Variants in ZBED5 observed in about 807,000 individuals in gnomAD.
The protein encoded by ZBED5 is zinc finger BED domain-containing protein 5.
A neutral mutation model predicts 49.2 loss-of-function variants in ZBED5; 29 were observed. That is an observed-to-expected ratio of 0.59 (90% CI 0.44 to 0.80). The LOEUF (loss-of-function observed/expected upper bound fraction) is 0.80. Among genes scored for constraint, ZBED5 ranks in the 30% least tolerant of loss-of-function variants. ZBED5 has a pLI of 0.00. For synonymous variants in ZBED5, 281 were observed against 292.5 expected (o/e 0.96, Z 0.40); for missense variants, 775 against 812.9 (o/e 0.95, Z 0.57).
chr11:10,857,425 C>G lies in ZBED5; in HGVS notation c.-256+437G>C, dbSNP rs1226593642. The stretch of plus-strand genomic sequence containing the variant: ...AACAATACCCTCAGGGTCAGGAGGA[C>G]AGGATCTGAGTGCAGGCCAGCCAAA... On this transcript the variant is annotated intron_variant, in intron 1 of 2. Transcript: ENST00000413761. This position sits in a 1 kb window ranked among gnomAD's most constrained non-coding sequence, Gnocchi z 6.3. 2 of 152,316 alleles carry G rather than the reference C, an allele frequency of 1.3e-5. No individual in the cohort carries two copies. The highest frequency in any genetic ancestry group is 6.5e-5 in the Admixed American group (1 of 15,284). The allele number at this position is 152,316 out of a possible 1,614,324, so 9.4% of individuals were successfully genotyped here.
Position 10,853,803 on chromosome 11 carries a change from A to C in ZBED5, c.1143T>G (p.Val381=). Residue 381 remains valine (V), a synonymous_variant, in exon 3 of 3, where the codon GTT becomes GTG. Coordinates refer to ENST00000413761, the MANE Select transcript of ZBED5 (RefSeq NM_001143667.2). This position sits in a 1 kb window ranked among gnomAD's most constrained non-coding sequence, Gnocchi z 5.4. Reference sequence around the variant, plus strand: ...TTTTTAGAGATGTAGGCATTATTTTAACTGCCAGTGCATGTCTGTATAATA... The same window carrying C: ...TTTTTAGAGATGTAGGCATTATTTTCACTGCCAGTGCATGTCTGTATAATA... ...HCLLYRHALA[V]KIMPTSLKNV... The C allele has an allele frequency of 6.4e-7, 1 of 1,551,620 alleles. No individual in the cohort carries two copies. The highest frequency in any genetic ancestry group is 8.7e-7 in the Non-Finnish European group (1 of 1,146,942).
At position 10,854,508 on chromosome 11, in the gene ZBED5, A is replaced by C; in HGVS notation, c.438T>G (p.Pro146=). The change falls in exon 3 of 3, where the codon CCT becomes CCG. Residue 146 remains proline, a synonymous_variant. Coordinates refer to ENST00000413761, the MANE Select transcript of ZBED5 (RefSeq NM_001143667.2). This position sits in a 1 kb window ranked among gnomAD's most constrained non-coding sequence, Gnocchi z 5.0. The part of the protein sequence containing the change: ...KKILSNSSLA[P]SKLRRHLETK... ...TTTCCAAATGTCTTCGAAGCTTACT[A>C]GGGGCTAAAGAGCTATTTGATAAAA... The C allele has an allele frequency of 1.3e-6, 2 of 1,551,578 alleles. No individual in the cohort carries two copies. The highest frequency in any genetic ancestry group is 1.7e-6 in the Non-Finnish European group (2 of 1,146,922).
At position 10,853,653 on chromosome 11, in the gene ZBED5, C is replaced by T. The variant is rs2232925; in HGVS notation, c.1293G>A (p.Glu431=). The change falls in exon 3 of 3, where the codon GAG becomes GAA. Residue 431 remains glutamate (E), a synonymous_variant. Coordinates refer to ENST00000413761, the MANE Select transcript of ZBED5 (RefSeq NM_001143667.2). This position sits in a 1 kb window ranked among gnomAD's most constrained non-coding sequence, Gnocchi z 5.4. ...CTTTACCTCGAGAAAGCCACCTCAC[C>T]TCTGTATTTAGAAGAAGTGCTGTGT... ...AQHTALLLNT[E]VRWLSRGKVL... 0.015 allele frequency: 23,816 copies of T among 1,551,506 alleles called. 2,581 individuals carry two copies. In the African/African-American group the frequency reaches 0.25, roughly 17 times the overall value.
Position 10,854,577 on chromosome 11 carries a change from T to A in ZBED5, c.369A>T (p.Gly123=). The A allele has an allele frequency of 6.4e-7, 1 of 1,551,394 alleles. No homozygotes were observed. Among genetic ancestry groups the A allele is most frequent in the East Asian group, 2.4e-5 (1 of 40,906 alleles). ...ACTGAGCATGAGGTGCATCTCTATT[T>A]CCGAAGTAAGTAAATCCAAAAGACA... ...SYLSFGFTYF[G]NRDAPHAQCV... The change falls in exon 3 of 3, where the codon GGA becomes GGT. Residue 123 remains glycine (G), a synonymous_variant. Coordinates refer to ENST00000413761, the MANE Select transcript of ZBED5 (RefSeq NM_001143667.2). This position sits in a 1 kb window ranked among gnomAD's most constrained non-coding sequence, Gnocchi z 5.0.
chr11:10,857,454 G>A lies in ZBED5; in HGVS notation c.-256+408C>T, dbSNP rs926157381. 1 of 151,956 alleles carries A rather than the reference G, an allele frequency of 6.6e-6. No homozygotes were observed. The highest frequency in any genetic ancestry group is 1.9e-4 in the East Asian group (1 of 5,190). The allele number at this position is 151,956 out of a possible 1,614,324, so 9.4% of individuals were successfully genotyped here. ...ATCTGAGTGCAGGCCAGCCAAAAAG[G>A]TGGGAACAGATGCTCCTTCCAACAC... On this transcript the variant is annotated intron_variant, in intron 1 of 2. Transcript: ENST00000413761. This position sits in a 1 kb window ranked among gnomAD's most constrained non-coding sequence, Gnocchi z 6.3.
At position 10,853,316 on chromosome 11, in the gene ZBED5, C is replaced by T; in HGVS notation, c.1630G>A (p.Asp544Asn). 6.4e-7 allele frequency: 1 copy of T among 1,551,638 alleles called. No individual in the cohort carries two copies. ...LTEINSTVDK[D>N]ICSAIVQHLR... Reference sequence around the variant, plus strand: ...TGCTGCACAATGGCACTGCAAATATCTTTATCAACTGTAGAATTAATTTCA... The same window carrying T: ...TGCTGCACAATGGCACTGCAAATATTTTTATCAACTGTAGAATTAATTTCA... Residue 544 changes from aspartate (D) to asparagine (N), a missense_variant, in exon 3 of 3, where the codon GAT becomes AAT. Physicochemically the swap from Asp to Asn is conservative, Grantham distance 23 (BLOSUM62 1). Transcript: ENST00000413761. This position sits in a 1 kb window ranked among gnomAD's most constrained non-coding sequence, Gnocchi z 5.4.
Position 10,854,971 on chromosome 11 carries a change from T to G in ZBED5, c.-26A>C, listed in dbSNP as rs1239652460. 2 of 1,534,050 alleles carry G rather than the reference T, an allele frequency of 1.3e-6. No homozygotes were observed. The highest frequency in any genetic ancestry group is 2.4e-5 in the South Asian group (2 of 82,188). On this transcript the variant is annotated 5_prime_UTR_variant, in exon 3 of 3. The change abolishes an upstream ATG in the 5' untranslated region. Transcript: ENST00000413761. The surrounding 1 kb of genome is among the most constrained non-coding windows in gnomAD (Gnocchi z 5.0). ...CAAAGAGATGATATACAGCAACACA[T>G]CAGTTAATTTGTAAATGCTGCCTAT...
Position 10,854,445 on chromosome 11 carries a change from A to G in ZBED5, c.501T>C (p.Phe167=). The G allele has an allele frequency of 6.4e-7, 1 of 1,551,404 alleles. No homozygotes were observed. The highest frequency in any genetic ancestry group is 1.4e-5 in the African/African-American group (1 of 73,140). ...CAGGTGAATCGAGATGTTGCTTGAA[A>G]AAGCTTATGTCTTTGTCTTTATATG... ...HAAYKDKDIS[F]FKQHLDSPEN... The change falls in exon 3 of 3, where the codon TTT becomes TTC. Residue 167 remains phenylalanine (F), a synonymous_variant. Coordinates refer to ENST00000413761, the MANE Select transcript of ZBED5 (RefSeq NM_001143667.2). This position sits in a 1 kb window ranked among gnomAD's most constrained non-coding sequence, Gnocchi z 5.0.
chr11:10,855,247 T>C lies in ZBED5; in HGVS notation c.-141-161A>G. 1 of 228,696 alleles carries C rather than the reference T, an allele frequency of 4.4e-6. No homozygotes were observed. Among genetic ancestry groups the C allele is most frequent in the Non-Finnish European group, 8.9e-6 (1 of 111,798 alleles). The allele number at this position is 228,696 out of a possible 1,614,324, so 14.2% of individuals were successfully genotyped here. A position where few individuals can be genotyped will look rare whatever the true frequency, so the allele number is the denominator to read the frequency against. On this transcript the variant is annotated intron_variant, in intron 2 of 2. Coordinates refer to ENST00000413761, the MANE Select transcript of ZBED5 (RefSeq NM_001143667.2). The surrounding 1 kb of genome is among the most constrained non-coding windows in gnomAD (Gnocchi z 4.1). Reference sequence around the variant, plus strand: ...TTTATTAACTTAGAGAATATTAATATTCTATAAAACATAATTTGGGAATCA... The same window carrying C: ...TTTATTAACTTAGAGAATATTAATACTCTATAAAACATAATTTGGGAATCA...
chr11:10,852,923 T>C lies in ZBED5; in HGVS notation c.2023A>G (p.Ile675Val), dbSNP rs769420414. The change falls in exon 3 of 3, where the codon ATT (isoleucine) becomes GTT (valine). Residue 675 changes from isoleucine to valine, a missense_variant. Transcript: ENST00000413761. ...APHMRIRLSNITPNIKRICDK... is the reference protein window; with the variant it reads ...APHMRIRLSNVTPNIKRICDK... ...CATATCCGCTTAATATTAGGTGTAATATTGCTAAGTCGGATTCGCATATGA... is the reference window on the plus strand; with the variant it reads ...CATATCCGCTTAATATTAGGTGTAACATTGCTAAGTCGGATTCGCATATGA... The C allele has an allele frequency of 4.5e-6, 7 of 1,551,396 alleles. No individual in the cohort carries two copies. The highest frequency in any genetic ancestry group is 6.1e-6 in the Non-Finnish European group (7 of 1,146,700).
rs550274335 is a variant in ZBED5, at chr11:10,855,957, T to G, written c.-142+187A>C. On this transcript the variant is annotated intron_variant, in intron 2 of 2. Transcript: ENST00000413761. This position sits in a 1 kb window ranked among gnomAD's most constrained non-coding sequence, Gnocchi z 4.1. ...ATAAAACAAATCAAAATTAAAAGGA[T>G]AATGCAATCTAAGGATTGCTAAAGA... 3 of 151,996 alleles carry G rather than the reference T, an allele frequency of 2.0e-5. No individual in the cohort carries two copies. Among genetic ancestry groups the G allele is most frequent in the Non-Finnish European group, 4.4e-5 (3 of 68,016 alleles). 9.4% of individuals were successfully genotyped at this position (151,996 alleles called of 1,614,324 possible).
In ZBED5 at chr11:10,855,096, A is replaced by G; in HGVS notation, c.-141-10T>C. On this transcript the variant is annotated splice_polypyrimidine_tract_variant and intron_variant, in intron 2 of 2. Coordinates refer to ENST00000413761, the MANE Select transcript of ZBED5 (RefSeq NM_001143667.2). The surrounding 1 kb of genome is among the most constrained non-coding windows in gnomAD (Gnocchi z 4.1). ...GTATGGTACACCTTTTCTTAAAGGT[A>G]GATTATCACATAAAAATAAAAGCTA... is the stretch of plus-strand genomic sequence containing the variant. 4 of 859,088 alleles carry G rather than the reference A, an allele frequency of 4.7e-6. No homozygotes were observed. Among genetic ancestry groups the G allele is most frequent in the Non-Finnish European group, 6.9e-6 (4 of 583,110 alleles). The allele number at this position is 859,088 out of a possible 1,614,324, so 53.2% of individuals were successfully genotyped here. A position where few individuals can be genotyped will look rare whatever the true frequency, so the allele number is the denominator to read the frequency against.
At position 10,855,984 on chromosome 11, in the gene ZBED5, TA is replaced by T. The variant is rs1331829445; in HGVS notation, c.-142+159del. ...ATGCAATCTAAGGATTGCTAAAGAA[TA>T]CTATTAACTCTATAAATCAAGGCAT... On this transcript the variant is annotated intron_variant, in intron 2 of 2. Coordinates refer to ENST00000413761, the MANE Select transcript of ZBED5 (RefSeq NM_001143667.2). This position sits in a 1 kb window ranked among gnomAD's most constrained non-coding sequence, Gnocchi z 4.1. The T allele has an allele frequency of 2.0e-5, 3 of 152,154 alleles. No homozygotes were observed. Among genetic ancestry groups the T allele is most frequent in the Non-Finnish European group, 2.9e-5 (2 of 68,040 alleles). The allele number at this position is 152,154 out of a possible 1,614,324, so 9.4% of individuals were successfully genotyped here. A position where few individuals can be genotyped will look rare whatever the true frequency, so the allele number is the denominator to read the frequency against.
rs1390849112 is a variant in ZBED5, at chr11:10,853,268, G to C, written c.1678C>G (p.Leu560Val). 5.8e-6 allele frequency: 9 copies of C among 1,551,562 alleles called. No homozygotes were observed. In the East Asian group the frequency reaches 2.0e-4, roughly 34 times the overall value. ...VQHLRGLRAT[L>V]LKYFPVTNDN... ...TTTGTTACAGGAAAGTATTTTAACA[G>C]AGTAGCGCGCAAACCCCTTAGGTGC... Residue 560 changes from leucine to valine, a missense_variant, in exon 3 of 3, where the codon CTG becomes GTG. Coordinates refer to ENST00000413761, the MANE Select transcript of ZBED5 (RefSeq NM_001143667.2). This position sits in a 1 kb window ranked among gnomAD's most constrained non-coding sequence, Gnocchi z 5.4.
In ZBED5 at chr11:10,853,392, A is replaced by G; in HGVS notation, c.1554T>C (p.Ser518=). 1 of 1,550,386 alleles carries G rather than the reference A, an allele frequency of 6.5e-7. No individual in the cohort carries two copies. The highest frequency in any genetic ancestry group is 1.2e-5 in the South Asian group (1 of 83,850). ...AACAATCAAAGTTTTCTTCTTCTAC[A>G]GATGAGGCCCAAAATTCCAATTTTC... ...LLRKLEFWAS[S]VEEENFDCFP... The change falls in exon 3 of 3, where the codon TCT becomes TCC. Residue 518 remains serine (S), a synonymous_variant. Transcript: ENST00000413761. This position sits in a 1 kb window ranked among gnomAD's most constrained non-coding sequence, Gnocchi z 5.4.
chr11:10,855,833 A>T lies in ZBED5; in HGVS notation c.-142+311T>A, dbSNP rs1436194133. The stretch of plus-strand genomic sequence containing the variant: ...CTCAATGAAAGTAATGTATATTTTT[A>T]CAGATAACTCTGCATTCTATTTATA... On this transcript the variant is annotated intron_variant, in intron 2 of 2. Transcript: ENST00000413761. This position sits in a 1 kb window ranked among gnomAD's most constrained non-coding sequence, Gnocchi z 4.1. 6.6e-6 allele frequency: 1 copy of T among 152,170 alleles called. No homozygotes were observed. The highest frequency in any genetic ancestry group is 2.4e-5 in the African/African-American group (1 of 41,454). 9.4% of individuals were successfully genotyped at this position (152,170 alleles called of 1,614,324 possible). A position where few individuals can be genotyped will look rare whatever the true frequency, so the allele number is the denominator to read the frequency against.
Position 10,857,920 on chromosome 11 carries a change from A to C in ZBED5, c.-314T>G. On this transcript the variant is annotated 5_prime_UTR_variant, in exon 1 of 3. Transcript: ENST00000413761. This position sits in a 1 kb window ranked among gnomAD's most constrained non-coding sequence, Gnocchi z 6.3. Reference sequence around the variant, plus strand: ...TCGTCGTGGACTGGAGGGGGAGGGGAGAGAGGGAGGGGAATGAAAAACAAA... The same window carrying C: ...TCGTCGTGGACTGGAGGGGGAGGGGCGAGAGGGAGGGGAATGAAAAACAAA... The C allele has an allele frequency of 6.3e-6, 1 of 158,266 alleles. No homozygotes were observed. Among genetic ancestry groups the C allele is most frequent in the Non-Finnish European group, 1.4e-5 (1 of 72,322 alleles). 9.8% of individuals were successfully genotyped at this position (158,266 alleles called of 1,614,324 possible).
In ZBED5 at chr11:10,854,288, GTTTGATAAGCAATT is replaced by G; in HGVS notation, c.644_657del (p.Glu215AlafsTer12). ...CGCATCACTACATCTTTTGCACAAG[GTTTGATAAGCAATT>G]CTCCAATAGTATGAGCCTCTCCACT... On this transcript the variant is annotated frameshift_variant, in exon 3 of 3. Transcript: ENST00000413761. LOFTEE classifies it high-confidence loss of function. The surrounding 1 kb of genome is among the most constrained non-coding windows in gnomAD (Gnocchi z 5.0). 6.4e-7 allele frequency: 1 copy of G among 1,550,888 alleles called. No individual in the cohort carries two copies. The highest frequency in any genetic ancestry group is 8.7e-7 in the Non-Finnish European group (1 of 1,146,898).
chr11:10,853,169 C>T lies in ZBED5; in HGVS notation c.1777G>A (p.Glu593Lys). Residue 593 changes from glutamate to lysine, a missense_variant, in exon 3 of 3, where the codon GAG becomes AAG. By Grantham distance (56) the Glu-to-Lys change is moderately conservative. Coordinates refer to ENST00000413761, the MANE Select transcript of ZBED5 (RefSeq NM_001143667.2). The surrounding 1 kb of genome is among the most constrained non-coding windows in gnomAD (Gnocchi z 5.4). ...TCAGATGTTAAATCAATCAGGCTCT[C>T]ATAGTCCCGTGCTACTAATGAAGCT... ...KPASLVARDYESLIDLTSDSQ... is the reference protein window; with the variant it reads ...KPASLVARDYKSLIDLTSDSQ... The T allele has an allele frequency of 6.4e-7, 1 of 1,551,660 alleles. No homozygotes were observed. Among genetic ancestry groups the T allele is most frequent in the Non-Finnish European group, 8.7e-7 (1 of 1,146,968 alleles).
Sources: allele counts gnomAD v4.1 joint callset, GRCh38; gene constraint gnomAD v4.1.1; non-coding constraint Gnocchi (gnomAD v3.1); transcripts MANE v1.5; gene names NCBI Gene and HGNC (gene_info 2026-07-23, HGNC 2026-07-21).